Variants in SH3RF2 observed in about 807,000 individuals in gnomAD.
The protein encoded by SH3RF2 is E3 ubiquitin-protein ligase SH3RF2.
A neutral mutation model predicts 59.0 loss-of-function variants in SH3RF2; 43 were observed. The ratio of observed to expected loss-of-function variants is 0.73; its 90% CI spans 0.57 to 0.94. The LOEUF (loss-of-function observed/expected upper bound fraction) is 0.94. Among genes scored for constraint, SH3RF2 ranks in the 40% least tolerant of loss-of-function variants. The pLI, the probability that SH3RF2 is intolerant of heterozygous loss-of-function variation, is 0.00. For missense variants in SH3RF2, 930 were observed against 940.1 expected, an observed-to-expected ratio of 0.99 and a Z score of 0.14; for synonymous variants, 391 against 391.5, an observed-to-expected ratio of 1.00 and a Z score of 0.01.
chr5:145,968,497 T>C (rs1421545945), intron 2 of SH3RF2, among the ~76,000 whole-genome samples: 8 of 152,284 alleles, frequency 5.3e-5, no homozygotes, highest in Non-Finnish European at 1.0e-4. Flanking sequence ...TGTGCATGTA[T>C]GTGGGTTTAT....
At chr5:146,055,933 T>G in intron 7 of SH3RF2, 48 bp from the exon 8 acceptor site, 3 of 1,587,516 alleles carry the variant, frequency 1.9e-6, no homozygotes, top group Non-Finnish European at 2.6e-6. Flanking sequence ...TGACTGAACA[T>G]TTTCTTTCTC....
At chr5:145,976,924 T>A (rs1490082783) in intron 2 of SH3RF2, among the ~76,000 whole-genome samples, 1 of 152,254 alleles carries the variant, frequency 6.6e-6, no homozygotes, top group African/African-American at 2.4e-5. Context: ...TTCTAAGACT[T>A]ACTCATAAAG....
intron 2 of SH3RF2, chr5:145,997,866 G>C (rs781515220): frequency 2.5e-5 from 27 of 1,076,198 alleles, no homozygotes; most frequent in Non-Finnish European, 3.3e-5. Context: ...GAAATGCTCA[G>C]TGCCCTTGCC....
intron 5 of SH3RF2, among the ~76,000 whole-genome samples, chr5:146,024,638 T>C (rs557725076): frequency 6.6e-6 from 1 of 152,328 alleles, no homozygotes; most frequent in Non-Finnish European, 1.5e-5. Context: ...TTCAAATTCA[T>C]AAGTATTTAT....
At position 145,981,194 on chromosome 5, in the gene SH3RF2, A is replaced by G. The variant is rs181588970; in HGVS notation, c.379-18864A>G. ...ACTGCAGCCTTGACTTCCTGAGCTC[A>G]GGTGATCCTCCCACCTCAGCCTCCC... is the stretch of plus-strand genomic sequence containing the variant. On this transcript the variant is annotated intron_variant, in intron 2 of 9. Transcript: ENST00000359120. 9.9e-5 allele frequency among the ~76,000 whole-genome samples: 15 copies of G among 152,212 alleles called. No individual in the cohort carries two copies. In the East Asian group the frequency reaches 2.7e-3, roughly 27 times the overall value.
At chr5:145,949,181 T>C (rs550287725) in intron 2 of SH3RF2, among the ~76,000 whole-genome samples, 202 of 152,256 alleles carry the variant, frequency 1.3e-3, no homozygotes, top group African/African-American at 4.8e-3. Context: ...TGCAGGGGAT[T>C]CGGAGGTAAT....
intron 2 of SH3RF2, among the ~76,000 whole-genome samples, chr5:145,943,531 C>G (rs1757897366): frequency 6.6e-6 from 1 of 152,204 alleles, no homozygotes; most frequent in African/African-American, 2.4e-5. Flanking sequence ...CTTTTAGCCT[C>G]TGCCTGATAT....
chr5:146,052,526 G>T (rs544674459), intron 7 of SH3RF2, among the ~76,000 whole-genome samples: 1 of 152,278 alleles, frequency 6.6e-6, no homozygotes, highest in East Asian at 1.9e-4. Flanking sequence ...TTGAGGCATG[G>T]TTTTGTTTAT....
In SH3RF2 at chr5:146,060,217, T is replaced by A. The variant is rs1298913682; in HGVS notation, c.1907T>A (p.Ile636Asn). ...LVKPENSRNGIEKQVKTVRFQ... is the reference protein window; with the variant it reads ...LVKPENSRNGNEKQVKTVRFQ... ...AAACCAGAAAACTCAAGAAATGGCATCGAAAAGGTAGGATCAGAGTGACAT... is the reference window on the plus strand; with the variant it reads ...AAACCAGAAAACTCAAGAAATGGCAACGAAAAGGTAGGATCAGAGTGACAT... Residue 636 changes from isoleucine (I) to asparagine (N), a missense_variant, in exon 9 of 10, where the codon ATC becomes AAC. Coordinates refer to ENST00000359120, the MANE Select transcript of SH3RF2 (RefSeq NM_152550.4). The A allele has an allele frequency of 6.2e-7, 1 of 1,605,854 alleles. No individual in the cohort carries two copies. Among genetic ancestry groups the A allele is most frequent in the Admixed American group, 1.7e-5 (1 of 59,266 alleles).
At chr5:146,016,144 G>A (rs1207330712) in intron 5 of SH3RF2, among the ~76,000 whole-genome samples, 1 of 152,090 alleles carries the variant, frequency 6.6e-6, no homozygotes, top group Admixed American at 6.5e-5. Context: ...CATATACTTA[G>A]GGAAGACTTG....
intron 5 of SH3RF2, among the ~76,000 whole-genome samples, chr5:146,024,805 G>C (rs1301461163): frequency 6.6e-6 from 1 of 152,210 alleles, no homozygotes; most frequent in Admixed American, 6.5e-5. Context: ...TACTGAAAAA[G>C]ACTATTTTTT....
At chr5:145,957,850 C>T (rs567748181) in intron 2 of SH3RF2, among the ~76,000 whole-genome samples, 7 of 152,286 alleles carry the variant, frequency 4.6e-5, no homozygotes, top group Non-Finnish European at 5.9e-5. Context: ...CAGCGGCTCA[C>T]GCCTGTAATC....
chr5:145,996,417 G>A (rs1210746394), intron 2 of SH3RF2, among the ~76,000 whole-genome samples: 1 of 152,154 alleles, frequency 6.6e-6, no homozygotes, highest in Non-Finnish European at 1.5e-5. Flanking sequence ...ACTGGAGTGA[G>A]GCCATTTCTA....
chr5:145,990,238 G>A (rs1025224585), intron 2 of SH3RF2, among the ~76,000 whole-genome samples: 30 of 152,292 alleles, frequency 2.0e-4, no homozygotes, highest in African/African-American at 6.7e-4. Context: ...TTTCAGGAAA[G>A]TGCGTCTACT....
chr5:146,073,793 A>G (rs1763284644), intron 9 of SH3RF2, among the ~76,000 whole-genome samples: 1 of 152,198 alleles, frequency 6.6e-6, no homozygotes, highest in Non-Finnish European at 1.5e-5. Context: ...ATGGCAAAGA[A>G]GCAGGAGAAT....
intron 2 of SH3RF2, among the ~76,000 whole-genome samples, chr5:145,954,134 T>C (rs910300998): frequency 6.6e-5 from 10 of 152,224 alleles, no homozygotes; most frequent in African/African-American, 2.4e-4. Flanking sequence ...AATCGCCATA[T>C]GGCTTTCCAC....
chr5:145,992,880 A>G (rs1760008540), intron 2 of SH3RF2, among the ~76,000 whole-genome samples: 1 of 151,340 alleles, frequency 6.6e-6, no homozygotes, highest in African/African-American at 2.4e-5. Context: ...TTCAAAACCA[A>G]TCATGCCTTC....
downstream of SH3RF2, among the ~76,000 whole-genome samples, chr5:146,064,589 GA>G (rs1561772928): frequency 3.3e-5 from 2 of 61,064 alleles, no homozygotes; most frequent in Non-Finnish European, 5.9e-5. Flanking sequence ...GGAAGGGGGA[GA>G]GAGAGAGAGA....
At chr5:146,060,286 A>C (rs1762842369) in intron 9 of SH3RF2, 62 bp downstream of exon 9, 1 of 1,432,518 alleles carries the variant, frequency 7.0e-7, no homozygotes, top group African/African-American at 1.4e-5. Flanking sequence ...ATAGTGTCTC[A>C]GCTCAGAGAT....
Sources: gnomAD v4.1 joint callset for allele counts (sites outside exome capture counted in the v4.1 genomes callset) on GRCh38, gnomAD v4.1.1 for gene constraint, MANE v1.5 for transcripts, NCBI Gene and HGNC (gene_info 2026-07-23, HGNC 2026-07-21) for gene names.